The following RSRC1 variants were observed in gnomAD, a reference collection of about 807,000 sequenced individuals.
RSRC1 encodes serine/Arginine-related protein 53.
Under a neutral mutation model 49.1 loss-of-function variants are expected in RSRC1, and 39 were observed. That is an observed-to-expected ratio of 0.79 (90% confidence interval 0.61 to 1.04). The LOEUF is 1.04. Ranked by LOEUF, RSRC1 falls within the 50% of genes least tolerant of loss-of-function variation. The pLI, the probability that RSRC1 is intolerant of heterozygous loss-of-function variation, is 0.00. For synonymous variants in RSRC1, 143 were observed against 130.8 expected, an observed-to-expected ratio of 1.09 and a Z score of -0.63; for missense variants, 388 against 402.4, an observed-to-expected ratio of 0.96 and a Z score of 0.31.
chr3:158,128,352 G>A (rs1039769438), intron 3 of RSRC1, among the ~76,000 whole-genome samples: 1 of 152,118 alleles, frequency 6.6e-6, no homozygotes. Flanking sequence ...GCGCTTGCCC[G>A]GAGTACTGCA....
chr3:158,456,725 G>A (rs909950894), intron 6 of RSRC1, among the ~76,000 whole-genome samples: 2 of 152,070 alleles, frequency 1.3e-5, no homozygotes, highest in Admixed American at 1.3e-4. Context: ...AGTAACAAAG[G>A]TATAGCAATT....
intron 4 of RSRC1, among the ~76,000 whole-genome samples, chr3:158,227,545 G>A (rs1434249156): frequency 6.6e-6 from 1 of 151,976 alleles, no homozygotes; most frequent in Non-Finnish European, 1.5e-5. Flanking sequence ...ATGAATAAAA[G>A]AAGAGCCTTG....
At chr3:158,513,459 A>G (rs1349704612) in intron 7 of RSRC1, among the ~76,000 whole-genome samples, 1 of 152,166 alleles carries the variant, frequency 6.6e-6, no homozygotes, top group Non-Finnish European at 1.5e-5. Flanking sequence ...CATTCCAGGG[A>G]TGAAGCCCAC....
At chr3:158,419,664 T>A (rs1397259109) in intron 6 of RSRC1, among the ~76,000 whole-genome samples, 1 of 151,856 alleles carries the variant, frequency 6.6e-6, no homozygotes, top group Non-Finnish European at 1.5e-5. Context: ...CATACATAGG[T>A]AGAACAGGTA....
chr3:158,353,425 T>A (rs191130054), intron 5 of RSRC1, among the ~76,000 whole-genome samples: 41 of 152,326 alleles, frequency 2.7e-4, no homozygotes, highest in African/African-American at 9.4e-4. Context: ...TGAACTCTTA[T>A]TGTTGAGTTG....
chr3:158,508,120 T>C (rs1195781340), intron 7 of RSRC1, among the ~76,000 whole-genome samples: 1 of 151,926 alleles, frequency 6.6e-6, no homozygotes, highest in Non-Finnish European at 1.5e-5. Context: ...AATCTAGGGA[T>C]TTTTGTGGGT....
chr3:158,425,556 T>C (rs1170543624), intron 6 of RSRC1, among the ~76,000 whole-genome samples: 2 of 151,982 alleles, frequency 1.3e-5, no homozygotes, highest in Non-Finnish European at 2.9e-5. Context: ...AAATGTATAT[T>C]CTGTTGATTT....
intron 4 of RSRC1, among the ~76,000 whole-genome samples, chr3:158,277,409 AG>A (rs1338238537): frequency 6.6e-6 from 1 of 152,154 alleles, no homozygotes; most frequent in African/African-American, 2.4e-5. Flanking sequence ...AAATTCTGTT[AG>A]ATTCTTTTCT....
chr3:158,396,984 G>C (rs1308752142), intron 6 of RSRC1, among the ~76,000 whole-genome samples: 1 of 152,078 alleles, frequency 6.6e-6, no homozygotes, highest in Non-Finnish European at 1.5e-5. Flanking sequence ...TCTATAGTTA[G>C]TGATAGTGGT....
rs371846136 is a variant in RSRC1 at position 158,452,249 on chromosome 3, G to A, written c.584-8686G>A. ...ATTGACAAATTATTTAATTTTCGTG[G>A]GCCTTTCATTTGTTCACTAATACTA... On this transcript the variant is annotated intron_variant, in intron 6 of 9. Transcript: ENST00000611884. 1.2e-3 allele frequency among the ~76,000 whole-genome samples: 180 copies of A among 152,006 alleles called. 2 individuals are homozygous for A. Among genetic ancestry groups the A allele is most frequent in the Non-Finnish European group, 2.1e-3 (140 of 67,942 alleles).
intron 5 of RSRC1, among the ~76,000 whole-genome samples, chr3:158,301,589 C>T (rs114870204): frequency 0.013 from 2,037 of 152,228 alleles, 26 homozygotes; most frequent in Non-Finnish European, 0.02. Context: ...TACTGTTACT[C>T]ATTTGTTCAG....
At chr3:158,337,186 G>A (rs547512999) in intron 5 of RSRC1, among the ~76,000 whole-genome samples, 26 of 152,262 alleles carry the variant, frequency 1.7e-4, no homozygotes, top group African/African-American at 5.5e-4. Flanking sequence ...CTTCCCACGC[G>A]GAGAGCGAAG....
intron 4 of RSRC1, 146 bp downstream of exon 4, chr3:158,203,391 G>A: frequency 2.7e-6 from 2 of 734,040 alleles, no homozygotes. Flanking sequence ...ATACAGTAGA[G>A]AAGGAAGAAA....
intron 5 of RSRC1, among the ~76,000 whole-genome samples, chr3:158,348,792 A>G (rs1242056511): frequency 6.6e-6 from 1 of 152,024 alleles, no homozygotes; most frequent in Non-Finnish European, 1.5e-5. Flanking sequence ...ATGTCCATGT[A>G]TACCATTTGT....
At chr3:158,384,160 T>G (rs1466352632) in intron 6 of RSRC1, among the ~76,000 whole-genome samples, 1 of 151,828 alleles carries the variant, frequency 6.6e-6, no homozygotes, top group South Asian at 2.1e-4. Flanking sequence ...GAAGTAAGAG[T>G]TGAAATGGGG....
intron 7 of RSRC1, among the ~76,000 whole-genome samples, chr3:158,519,225 G>A (rs971496904): frequency 1.3e-5 from 2 of 151,906 alleles, no homozygotes; most frequent in South Asian, 4.2e-4. Context: ...TTTATCTCCT[G>A]TGCTAACCCT....
chr3:158,458,231 C>T (rs1041053126), intron 6 of RSRC1, among the ~76,000 whole-genome samples: 2 of 151,972 alleles, frequency 1.3e-5, no homozygotes, highest in South Asian at 4.1e-4. Context: ...ATAAAAACAT[C>T]CATGTTAATT....
At chr3:158,391,386 A>G (rs1310124004) in intron 6 of RSRC1, among the ~76,000 whole-genome samples, 1 of 152,168 alleles carries the variant, frequency 6.6e-6, no homozygotes, top group Non-Finnish European at 1.5e-5. Context: ...GCAAGAGAGC[A>G]TTCTCCATAT....
chr3:158,234,428 T>G (rs1723131511), intron 4 of RSRC1, among the ~76,000 whole-genome samples: 1 of 152,190 alleles, frequency 6.6e-6, no homozygotes, highest in Non-Finnish European at 1.5e-5. Context: ...AAAACATTAT[T>G]TAGAACTTCT....
Sources: allele counts gnomAD v4.1 joint callset (sites outside exome capture counted in the v4.1 genomes callset), GRCh38; gene constraint gnomAD v4.1.1; transcripts MANE v1.5; gene names NCBI Gene and HGNC (gene_info 2026-07-23, HGNC 2026-07-21).